Variants in KRT8 observed in about 807,000 individuals in gnomAD.
KRT8 encodes the protein keratin, type II cytoskeletal 8.
In KRT8, 24 loss-of-function variants were observed where a neutral mutation model predicts 43.0. The ratio of observed to expected loss-of-function variants is 0.56; its 90% CI spans 0.40 to 0.78. The LOEUF is 0.78. Ranked by LOEUF, KRT8 falls within the 30% of genes least tolerant of loss-of-function variation. KRT8 has a pLI of 0.00. For missense variants in KRT8, 492 were observed against 638.4 expected (o/e 0.77, Z 2.47); for synonymous variants, 214 against 261.2 (o/e 0.82, Z 1.74).
intron 2 of KRT8, among the ~76,000 whole-genome samples, chr12:52,913,265 CT>C (rs1239340861): frequency 1.3e-5 from 2 of 152,214 alleles, no homozygotes; most frequent in Non-Finnish European, 2.9e-5. Flanking sequence ...TGACTCCAAC[CT>C]TGGTGAAATC....
chr12:52,900,166 G>T, intron 4 of KRT8, 101 bp from the exon 5 acceptor site: 2 of 1,249,168 alleles, frequency 1.6e-6, no homozygotes, highest in Non-Finnish European at 2.2e-6. Flanking sequence ...GGGCAGCAGA[G>T]GAGAGGAGCA....
chr12:52,922,184 T>TAAAAAAAAAAAAAAAAAAA (rs57023136), intron 2 of KRT8, among the ~76,000 whole-genome samples: 1 of 38,728 alleles, frequency 2.6e-5, no homozygotes, highest in Non-Finnish European at 4.4e-5. Context: ...ACCCTGTCTC[T>TAAAAAAAAAAAAAAAAAAA]AAAAAAAAAA....
Position 52,898,672 on chromosome 12 carries a change from C to T in KRT8, c.1202+7G>A. ...AAGCAGGTCCGGTCAGAGGTACCCACACCCACCGGCTCTCCTCGCCCTCCA... is the reference window on the plus strand; with the variant it reads ...AAGCAGGTCCGGTCAGAGGTACCCATACCCACCGGCTCTCCTCGCCCTCCA... On this transcript the variant is annotated splice_region_variant and intron_variant, in intron 6 of 7. Transcript: ENST00000692008. 6.2e-7 allele frequency: 1 copy of T among 1,614,238 alleles called. No individual in the cohort carries two copies. Among genetic ancestry groups the T allele is most frequent in the Non-Finnish European group, 8.5e-7 (1 of 1,180,046 alleles).
chr12:52,903,672 CA>C (rs1206313880), intron 1 of KRT8: 1 of 152,362 alleles, frequency 6.6e-6, no homozygotes, highest in Admixed American at 6.5e-5. Context: ...TGGGGCGGAG[CA>C]GGGACAGGAC....
Position 52,921,881 on chromosome 12 carries a change from C to T in KRT8, c.-46-16854G>A, listed in dbSNP as rs142025399. On this transcript the variant is annotated intron_variant, in intron 2 of 6. Transcript: ENST00000546826. ...GAGCCTCAGGATTAAAAGCAATGTG[C>T]ACTGCTTGGCACAGTGGCTCACACC... 8.8e-4 allele frequency among the ~76,000 whole-genome samples: 134 copies of T among 152,180 alleles called. No individual in the cohort carries two copies. The East Asian group carries it at 0.013, about 15-fold the overall frequency.
upstream of KRT8, among the ~76,000 whole-genome samples, chr12:52,911,212 C>T (rs1220259510): frequency 1.3e-5 from 2 of 152,070 alleles, no homozygotes; most frequent in African/African-American, 4.8e-5. Flanking sequence ...ATTAGCCGGG[C>T]GTGGTAGTGG....
upstream of KRT8, chr12:52,905,199 T>G (rs1941487440): frequency 1.2e-6 from 1 of 811,966 alleles, no homozygotes; most frequent in Non-Finnish European, 1.9e-6. Flanking sequence ...AGGACTCAGG[T>G]GGGGGCAGCA....
At chr12:52,912,033 CA>C (rs1350415951), upstream of KRT8, among the ~76,000 whole-genome samples, 1 of 151,534 alleles carries the variant, frequency 6.6e-6, no homozygotes, top group Non-Finnish European at 1.5e-5. Context: ...TGTCTCAAAA[CA>C]AAAAAAGGAA....
chr12:52,910,907 C>T (rs1281918755), upstream of KRT8, among the ~76,000 whole-genome samples: 1 of 152,170 alleles, frequency 6.6e-6, no homozygotes, highest in African/African-American at 2.4e-5. Context: ...TTATTCCTTC[C>T]TGTATTCACC....
chr12:52,916,794 A>G (rs1315696880), intron 2 of KRT8, among the ~76,000 whole-genome samples: 1 of 152,136 alleles, frequency 6.6e-6, no homozygotes, highest in African/African-American at 2.4e-5. Context: ...TCGCATGCTG[A>G]CCATGCTGGA....
intron 2 of KRT8, among the ~76,000 whole-genome samples, chr12:52,934,707 GC>G (rs1942137758): frequency 6.6e-6 from 1 of 152,114 alleles, no homozygotes; most frequent in South Asian, 2.1e-4. Flanking sequence ...GGTGGCTCAC[GC>G]CTGTAATCCC....
upstream of KRT8, among the ~76,000 whole-genome samples, chr12:52,906,269 G>T (rs1453654973): frequency 6.6e-6 from 1 of 152,142 alleles, no homozygotes; most frequent in Non-Finnish European, 1.5e-5. Flanking sequence ...AGAGGAGATG[G>T]GAGCTATGTC....
intron 2 of KRT8, among the ~76,000 whole-genome samples, chr12:52,944,495 A>T (rs1942314340): frequency 6.6e-6 from 1 of 152,118 alleles, no homozygotes; most frequent in African/African-American, 2.4e-5. Flanking sequence ...TGGCATTGGG[A>T]TACTGGGGTT....
chr12:52,918,050 G>GAAGAAT (rs1417567788), intron 2 of KRT8, among the ~76,000 whole-genome samples: 1 of 143,620 alleles, frequency 7.0e-6, no homozygotes, highest in African/African-American at 2.6e-5. Flanking sequence ...AGAAGAAGAA[G>GAAGAAT]AGGAAGAAGA....
chr12:52,938,170 A>ATATATATATATATATTTT (rs1555189967), intron 2 of KRT8, among the ~76,000 whole-genome samples: 17 of 30,274 alleles, frequency 5.6e-4, no homozygotes, highest in Non-Finnish European at 8.9e-4. Flanking sequence ...ATATATATAT[A>ATATATATATATATATTTT]TTTTTTTTTT....
upstream of KRT8, among the ~76,000 whole-genome samples, chr12:52,909,935 A>T (rs4082523): frequency 0.016 from 2,361 of 152,198 alleles, 60 homozygotes; most frequent in African/African-American, 0.053. Flanking sequence ...GAGGTCTCCC[A>T]CACTTTTTTT....
At chr12:52,900,178 G>T in intron 4 of KRT8, 113 bp from the exon 5 acceptor site, 1 of 1,117,064 alleles carries the variant, frequency 9.0e-7, no homozygotes, top group Non-Finnish European at 1.3e-6. Context: ...AGAGGAGCAG[G>T]TGGGAGTCAG....
chr12:52,905,180 C>T, upstream of KRT8: 1 of 1,004,200 alleles, frequency 1.0e-6, no homozygotes, highest in Non-Finnish European at 1.4e-6. Flanking sequence ...TCACCTGCCA[C>T]CTCCGGGCAG....
upstream of KRT8, among the ~76,000 whole-genome samples, chr12:52,905,924 T>A (rs1315074074): frequency 6.6e-6 from 1 of 152,082 alleles, no homozygotes; most frequent in Non-Finnish European, 1.5e-5. Flanking sequence ...AAACCCCATC[T>A]CTACTAAAAA....
Sources: gnomAD v4.1 joint callset for allele counts (sites outside exome capture counted in the v4.1 genomes callset) on GRCh38, gnomAD v4.1.1 for gene constraint, MANE v1.5 for transcripts, NCBI Gene and HGNC (gene_info 2026-07-23, HGNC 2026-07-21) for gene names.